The following SMC5 variants were observed in gnomAD, a reference collection of about 807,000 sequenced individuals.
SMC5 encodes the protein structural maintenance of chromosomes protein 5.
In SMC5, 88 loss-of-function variants were observed where a neutral mutation model predicts 148.3. The ratio of observed to expected loss-of-function variants is 0.59; its 90% confidence interval spans 0.50 to 0.71. The LOEUF is 0.71. Among genes scored for constraint, SMC5 ranks in the 30% least tolerant of loss-of-function variants. SMC5 has a pLI of 0.00. For missense variants in SMC5, 1,142 were observed against 1,298.9 expected (o/e 0.88, Z 1.86); for synonymous variants, 421 against 432.8 (o/e 0.97, Z 0.34).
At chr9:70,302,720 T>G (rs1280054207) in intron 10 of SMC5, among the ~76,000 whole-genome samples, 1 of 152,056 alleles carries the variant, frequency 6.6e-6, no homozygotes, top group African/African-American at 2.4e-5. Context: ...CTTAAGGATA[T>G]CAGGGAAACC....
At chr9:70,306,976 A>G (rs1389788197) in intron 11 of SMC5, among the ~76,000 whole-genome samples, 3 of 152,234 alleles carry the variant, frequency 2.0e-5, no homozygotes, top group Non-Finnish European at 4.4e-5. Flanking sequence ...TATGTGCAAC[A>G]TCATAATTTT....
At chr9:70,273,205 CTA>C (rs2034498464) in intron 3 of SMC5, among the ~76,000 whole-genome samples, 1 of 148,462 alleles carries the variant, frequency 6.7e-6, no homozygotes, top group Non-Finnish European at 1.5e-5. Flanking sequence ...TTTTTTCTAA[CTA>C]TACTGATTTA....
At chr9:70,347,586 TAAAG>T (rs2036697231) in intron 20 of SMC5, 23 bp from the exon 21 acceptor site, 8 of 1,259,412 alleles carry the variant, frequency 6.4e-6, no homozygotes, top group South Asian at 2.7e-5. Flanking sequence ...AGATTTATCT[TAAAG>T]AAGTTTTTTT....
chr9:70,305,251 A>G lies in SMC5; in HGVS notation c.1469A>G (p.Asn490Ser), dbSNP rs1026800373. 20 of 1,452,776 alleles carry G rather than the reference A, an allele frequency of 1.4e-5. No individual in the cohort carries two copies. The highest frequency in any genetic ancestry group is 1.8e-5 in the Non-Finnish European group (19 of 1,038,998). 90.0% of individuals were successfully genotyped at this position (1,452,776 alleles called of 1,614,324 possible). A position where few individuals can be genotyped will look rare whatever the true frequency, so the allele number is the denominator to read the frequency against. Residue 490 changes from asparagine to serine, a missense_variant, in exon 11 of 25, where the codon AAT becomes AGT. By Grantham distance (46) the Asn-to-Ser change is conservative. Coordinates refer to ENST00000361138, the MANE Select transcript of SMC5 (RefSeq NM_015110.4). ...RVCEPIMLTI[N>S]MKDNKNAKYI... ...TTTTTTTGCTTGTTTGTTTAGATCAATATGAAAGATAATAAAAATGCCAAA... is the reference window on the plus strand; with the variant it reads ...TTTTTTTGCTTGTTTGTTTAGATCAGTATGAAAGATAATAAAAATGCCAAA...
In SMC5 at chr9:70,354,212, GT is replaced by G. The variant is rs60673535; in HGVS notation, c.*1888del. On this transcript the variant is annotated 3_prime_UTR_variant, in exon 25 of 25. Transcript: ENST00000361138. ...ATAGTCTCAGCCACTTAAAACAAAA[GT>G]TTTTTTGTTTGTTTGTTTGTTTGTT... The G allele has an allele frequency of 2.0e-5, 3 of 152,306 alleles. No homozygotes were observed. The highest frequency in any genetic ancestry group is 6.6e-5 in the Admixed American group (1 of 15,246). 9.4% of individuals were successfully genotyped at this position (152,306 alleles called of 1,614,324 possible).
chr9:70,303,765 C>T (rs768398373), intron 10 of SMC5, among the ~76,000 whole-genome samples: 1 of 152,106 alleles, frequency 6.6e-6, no homozygotes, highest in Admixed American at 6.5e-5. Context: ...TTTGAAAGGA[C>T]GTCTGTCTGA....
At chr9:70,278,760 C>A in intron 5 of SMC5, 135 bp downstream of exon 5, 1 of 758,406 alleles carries the variant, frequency 1.3e-6, no homozygotes, top group Non-Finnish European at 2.0e-6. Context: ...GATTGTACTG[C>A]TAATATCAGT....
At chr9:70,315,845 G>A (rs1373175434) in intron 13 of SMC5, among the ~76,000 whole-genome samples, 2 of 152,004 alleles carry the variant, frequency 1.3e-5, no homozygotes, top group African/African-American at 4.8e-5. Context: ...AACCTGAAAA[G>A]AGATACCTAG....
chr9:70,322,729 G>A (rs886319163), intron 15 of SMC5, among the ~76,000 whole-genome samples: 7 of 151,944 alleles, frequency 4.6e-5, no homozygotes, highest in Admixed American at 2.0e-4. Flanking sequence ...CCAGCTTCTC[G>A]GGAGGCTGAG....
chr9:70,267,483 C>T (rs1055040954), intron 2 of SMC5, among the ~76,000 whole-genome samples: 3 of 152,206 alleles, frequency 2.0e-5, no homozygotes, highest in South Asian at 2.1e-4. Flanking sequence ...TTAACCTGCG[C>T]GACTGTAGGA....
At chr9:70,260,142 T>C (rs1359162976) in intron 1 of SMC5, among the ~76,000 whole-genome samples, 2 of 152,000 alleles carry the variant, frequency 1.3e-5, no homozygotes, top group Admixed American at 6.5e-5. Flanking sequence ...TGTCATACTG[T>C]CGTCCGGGCT....
intron 8 of SMC5, among the ~76,000 whole-genome samples, chr9:70,290,886 C>G (rs2035039546): frequency 6.6e-6 from 1 of 152,154 alleles, no homozygotes; most frequent in African/African-American, 2.4e-5. Flanking sequence ...GTTAAAGCCC[C>G]TTTGTCTTAT....
intron 11 of SMC5, among the ~76,000 whole-genome samples, chr9:70,313,023 A>C (rs1235712817): frequency 6.6e-6 from 1 of 152,156 alleles, no homozygotes; most frequent in African/African-American, 2.4e-5. Flanking sequence ...CTTAGTATAG[A>C]CTTTTCTTCA....
intron 15 of SMC5, among the ~76,000 whole-genome samples, chr9:70,320,847 C>G (rs1338389600): frequency 6.6e-6 from 1 of 152,174 alleles, no homozygotes; most frequent in Non-Finnish European, 1.5e-5. Context: ...TTAAAAATTT[C>G]AATTGCATGG....
At chr9:70,330,362 A>G (rs1386349801) in intron 17 of SMC5, among the ~76,000 whole-genome samples, 2 of 152,032 alleles carry the variant, frequency 1.3e-5, no homozygotes, top group Non-Finnish European at 2.9e-5. Context: ...GAGCAAAAGT[A>G]CCCCCAGTTG....
chr9:70,284,240 AAC>A (rs1223571434), intron 7 of SMC5, among the ~76,000 whole-genome samples: 1 of 152,232 alleles, frequency 6.6e-6, no homozygotes, highest in Non-Finnish European at 1.5e-5. Context: ...CAAAAAATTA[AAC>A]AGTTACTAAG....
chr9:70,335,855 G>C (rs1367261282), intron 17 of SMC5, among the ~76,000 whole-genome samples: 4 of 152,106 alleles, frequency 2.6e-5, no homozygotes, highest in Non-Finnish European at 5.9e-5. Context: ...AATTAAGTTA[G>C]AGTTTTATCA....
chr9:70,259,274 CG>C lies in SMC5; in HGVS notation c.185+13del. On this transcript the variant is annotated intron_variant, in intron 1 of 24. Transcript: ENST00000361138. ...GATGGAGAACTTCCTGTAAGTTGCC[CG>C]GAGGCCGCGCCGCGGGTGTGGAGGT... 1 of 1,561,656 alleles carries C rather than the reference CG, an allele frequency of 6.4e-7. No individual in the cohort carries two copies. The highest frequency in any genetic ancestry group is 8.7e-7 in the Non-Finnish European group (1 of 1,151,974).
chr9:70,282,435 T>G lies in SMC5; in HGVS notation c.833T>G (p.Val278Gly). The G allele has an allele frequency of 3.8e-6, 6 of 1,591,836 alleles. No homozygotes were observed. Among genetic ancestry groups the G allele is most frequent in the Non-Finnish European group, 5.1e-6 (6 of 1,173,510 alleles). The change falls in exon 7 of 25, where the codon GTT (valine) becomes GGT (glycine). Residue 278 changes from valine to glycine, a missense_variant. Coordinates refer to ENST00000361138, the MANE Select transcript of SMC5 (RefSeq NM_015110.4). The stretch of plus-strand genomic sequence containing the variant: ...ATTATTTGCAAGGAATATGAAAATG[T>G]TCGTCAGGAATATGAAGAAGTAAAA... Reference protein sequence around the residue: ...AKRPWVEYENVRQEYEEVKLV... With the variant: ...AKRPWVEYENGRQEYEEVKLV...
Sources: allele counts gnomAD v4.1 joint callset (sites outside exome capture counted in the v4.1 genomes callset), GRCh38; gene constraint gnomAD v4.1.1; transcripts MANE v1.5; gene names NCBI Gene and HGNC (gene_info 2026-07-23, HGNC 2026-07-21).